The following PDZK1 variants were observed in gnomAD, a reference collection of about 807,000 sequenced individuals.
PDZK1 encodes the protein Na(+)/H(+) exchange regulatory cofactor NHE-RF3.
Under a neutral mutation model 38.1 loss-of-function variants are expected in PDZK1, and 23 were observed. The ratio of observed to expected loss-of-function variants is 0.60; its 90% CI spans 0.43 to 0.85. PDZK1 has a LOEUF of 0.85. Ranked by LOEUF, PDZK1 falls within the 40% of genes least tolerant of loss-of-function variation. PDZK1 has a pLI of 0.00. For synonymous variants in PDZK1, 98 were observed against 186.2 expected, an observed-to-expected ratio of 0.53 and a Z score of 3.86; for missense variants, 297 against 504.3, an observed-to-expected ratio of 0.59 and a Z score of 3.94.
At position 145,673,982 on chromosome 1, in the gene PDZK1, CTCT is replaced by C. The variant is rs1389155477; in HGVS notation, c.991-104_991-102del. The C allele has an allele frequency of 5.2e-6, 5 of 954,688 alleles. No homozygotes were observed. The East Asian group carries it at 8.4e-5, about 16-fold the overall frequency. The allele number at this position is 954,688 out of a possible 1,614,324, so 59.1% of individuals were successfully genotyped here. On this transcript the variant is annotated intron_variant, in intron 6 of 8. Coordinates refer to ENST00000417171, the MANE Select transcript of PDZK1 (RefSeq NM_001201325.2). ...TTTTTAAGGTATCATACATATTCCA[CTCT>C]TCTTCTGGATGTGTCTGATTGTAGG...
chr1:145,674,949 C>A (rs1364231032), intron 6 of PDZK1, among the ~76,000 whole-genome samples: 5 of 152,168 alleles, frequency 3.3e-5, no homozygotes, highest in African/African-American at 1.2e-4. Context: ...GAGAGGGTGA[C>A]AGCTGTTATA....
At chr1:145,687,755 GAGA>G in intron 2 of PDZK1, 54 bp downstream of exon 2, 1 of 1,421,604 alleles carries the variant, frequency 7.0e-7, no homozygotes. Context: ...ATAATCAGCA[GAGA>G]AGATGTGGGG....
chr1:145,674,718 T>A (rs1205285108), intron 6 of PDZK1, among the ~76,000 whole-genome samples: 7 of 152,096 alleles, frequency 4.6e-5, no homozygotes, highest in African/African-American at 1.7e-4. Context: ...GCCACACTAC[T>A]GGCATCCCAG....
chr1:145,682,694 G>A (rs587662472), intron 3 of PDZK1, 58 bp from the exon 4 acceptor site: 18 of 1,389,080 alleles, frequency 1.3e-5, no homozygotes, highest in East Asian at 2.4e-5. Context: ...CTCTTGGATG[G>A]TAATCTGTGA....
At chr1:145,693,538 G>T (rs1454390483) in intron 1 of PDZK1, among the ~76,000 whole-genome samples, 1 of 151,990 alleles carries the variant, frequency 6.6e-6, no homozygotes, top group African/African-American at 2.4e-5. Flanking sequence ...GGAGGCCGAG[G>T]CCGAGGCAGG....
intron 1 of PDZK1, among the ~76,000 whole-genome samples, chr1:145,694,140 T>C (rs587730547): frequency 6.6e-6 from 1 of 152,306 alleles, no homozygotes; most frequent in South Asian, 2.1e-4. Context: ...GGACTCTTTA[T>C]GCTCTTAATT....
At position 145,686,464 on chromosome 1, in the gene PDZK1, A is replaced by C. The variant is rs782627292; in HGVS notation, c.460+13T>G. The C allele has an allele frequency of 8.1e-6, 13 of 1,611,112 alleles. No individual in the cohort carries two copies. Among genetic ancestry groups the C allele is most frequent in the Admixed American group, 1.7e-5 (1 of 59,890 alleles). On this transcript the variant is annotated intron_variant, in intron 3 of 8. Coordinates refer to ENST00000417171, the MANE Select transcript of PDZK1 (RefSeq NM_001201325.2). ...CTGCCCCTGCCTCCCCCTGCTCCCC[A>C]AAAAATTCTCACCTTGGACAGTTTT...
chr1:145,706,564 C>T (rs1283067517), intron 1 of PDZK1, among the ~76,000 whole-genome samples: 2 of 152,154 alleles, frequency 1.3e-5, no homozygotes, highest in African/African-American at 4.8e-5. Context: ...CAACCCAGAC[C>T]AGGAGTCTTC....
At chr1:145,697,864 C>T (rs587736849) in intron 1 of PDZK1, among the ~76,000 whole-genome samples, 133 of 149,228 alleles carry the variant, frequency 8.9e-4, no homozygotes, top group African/African-American at 2.9e-3. Context: ...GTGGTCCGCC[C>T]GCCTCAGCCT....
At chr1:145,697,804 G>T (rs1655723458) in intron 1 of PDZK1, among the ~76,000 whole-genome samples, 1 of 105,216 alleles carries the variant, frequency 9.5e-6, no homozygotes, top group Non-Finnish European at 1.7e-5. Context: ...TTTTTTAGTA[G>T]AGACAGGATT....
intron 1 of PDZK1, among the ~76,000 whole-genome samples, chr1:145,702,480 A>ACC (rs587755524): frequency 6.7e-5 from 10 of 150,062 alleles, no homozygotes; most frequent in Non-Finnish European, 1.2e-4. Flanking sequence ...TTGCATTTCT[A>ACC]CCCCCCCACT....
In PDZK1 at chr1:145,699,721, G is replaced by A. The variant is rs186419489; in HGVS notation, c.-3+7596C>T. 1.9e-3 allele frequency among the ~76,000 whole-genome samples: 283 copies of A among 152,302 alleles called. 2 individuals carry two copies. The highest frequency in any genetic ancestry group is 6.4e-3 in the African/African-American group (265 of 41,556). Reference sequence around the variant, plus strand: ...AAAGGAGCCAGATGTGTATACAAAAGGGAATCTGTATTTTTGTTTCCATCT... The same window carrying A: ...AAAGGAGCCAGATGTGTATACAAAAAGGAATCTGTATTTTTGTTTCCATCT... On this transcript the variant is annotated intron_variant, in intron 1 of 8. Coordinates refer to ENST00000417171, the MANE Select transcript of PDZK1 (RefSeq NM_001201325.2).
chr1:145,703,072 G>C (rs1400417571), intron 1 of PDZK1, among the ~76,000 whole-genome samples: 2 of 152,096 alleles, frequency 1.3e-5, no homozygotes, highest in African/African-American at 4.8e-5. Context: ...GTAAACATTT[G>C]TTCCAAGTGA....
chr1:145,688,355 T>C (rs1442922281), intron 1 of PDZK1, among the ~76,000 whole-genome samples: 1 of 152,170 alleles, frequency 6.6e-6, no homozygotes, highest in East Asian at 1.9e-4. Flanking sequence ...ACCCAAAAAA[T>C]TTATGACAAG....
intron 1 of PDZK1, among the ~76,000 whole-genome samples, chr1:145,705,443 G>A (rs746393258): frequency 1.4e-4 from 21 of 152,146 alleles, no homozygotes; most frequent in Non-Finnish European, 3.1e-4. Context: ...GATACTGGTG[G>A]CATGGAGGTG....
chr1:145,679,873 C>A (rs1279153870), intron 5 of PDZK1, among the ~76,000 whole-genome samples: 1 of 152,216 alleles, frequency 6.6e-6, no homozygotes, highest in African/African-American at 2.4e-5. Flanking sequence ...CTCTCTCCAA[C>A]CTACCTTTCC....
intron 1 of PDZK1, among the ~76,000 whole-genome samples, chr1:145,689,220 G>T (rs1655045992): frequency 6.6e-6 from 1 of 152,170 alleles, no homozygotes; most frequent in Admixed American, 6.5e-5. Context: ...AATAGCTGGA[G>T]CTACAGGCAC....
chr1:145,688,879 A>C, intron 1 of PDZK1, among the ~76,000 whole-genome samples: 1 of 152,176 alleles, frequency 6.6e-6, no homozygotes, highest in African/African-American at 2.4e-5. Flanking sequence ...TAATTGCTTT[A>C]ACCTGGGAGG....
rs1390100364 is a variant in PDZK1 at position 145,677,896 on chromosome 1, T to G, written c.990+553A>C. Reference sequence around the variant, plus strand: ...ATCTGTTAAACTAGACAACCTCAGTTCTTGTGTTAAAAGTAAAAAAAAAAA... The same window carrying G: ...ATCTGTTAAACTAGACAACCTCAGTGCTTGTGTTAAAAGTAAAAAAAAAAA... On this transcript the variant is annotated intron_variant, in intron 6 of 8. Coordinates refer to ENST00000417171, the MANE Select transcript of PDZK1 (RefSeq NM_001201325.2). 2.4e-5 allele frequency among the ~76,000 whole-genome samples: 3 copies of G among 127,548 alleles called. No individual in the cohort carries two copies. The Admixed American group carries it at 2.6e-4, about 11-fold the overall frequency. The allele number at this position is 127,548 out of a possible 152,430, so 83.7% of individuals were successfully genotyped here.
Sources: gnomAD v4.1 joint callset for allele counts (sites outside exome capture counted in the v4.1 genomes callset) on GRCh38, gnomAD v4.1.1 for gene constraint, MANE v1.5 for transcripts, NCBI Gene and HGNC (gene_info 2026-07-23, HGNC 2026-07-21) for gene names.